Variants in TFEC observed in about 807,000 individuals in gnomAD.
The protein encoded by TFEC is transcription factor EC, also known as class E basic helix-loop-helix protein 34.
A neutral mutation model predicts 41.6 loss-of-function variants in TFEC; 31 were observed. That is an observed-to-expected ratio of 0.74 (90% CI 0.56 to 1.01). TFEC has a LOEUF of 1.01. Among genes scored for constraint, TFEC ranks in the 50% least tolerant of loss-of-function variants. The pLI, the probability that TFEC is intolerant of heterozygous loss-of-function variation, is 0.00. For synonymous variants in TFEC, 143 were observed against 140.6 expected, an observed-to-expected ratio of 1.02 and a Z score of -0.12; for missense variants, 402 against 404.1, an observed-to-expected ratio of 0.99 and a Z score of 0.04.
chr7:115,956,441 G>A (rs1408592969), intron 4 of TFEC, among the ~76,000 whole-genome samples: 1 of 150,312 alleles, frequency 6.7e-6, no homozygotes, highest in East Asian at 1.9e-4. Context: ...ATATATGTAT[G>A]TAAAACATAT....
At chr7:116,092,208 C>T (rs1238054644) in intron 3 of TFEC, among the ~76,000 whole-genome samples, 1 of 152,148 alleles carries the variant, frequency 6.6e-6, no homozygotes, top group Non-Finnish European at 1.5e-5. Flanking sequence ...AACTCGAAAG[C>T]ACTTTCACAT....
intron 7 of TFEC, chr7:115,941,679 A>C (rs543256351): frequency 1.7e-6 from 1 of 588,272 alleles, no homozygotes. Flanking sequence ...ACATATATAC[A>C]TATATACATA....
chr7:116,156,214 G>C (rs979843676), intron 1 of TFEC, among the ~76,000 whole-genome samples: 5 of 152,138 alleles, frequency 3.3e-5, no homozygotes, highest in African/African-American at 9.7e-5. Flanking sequence ...CAGCAGGAGG[G>C]AGAGAGGGAT....
At chr7:116,099,066 A>C in intron 3 of TFEC, among the ~76,000 whole-genome samples, 1 of 152,216 alleles carries the variant, frequency 6.6e-6, no homozygotes, top group East Asian at 1.9e-4. Flanking sequence ...ATATTCATTA[A>C]ATTGGACTTT....
intron 3 of TFEC, among the ~76,000 whole-genome samples, chr7:116,053,476 T>C (rs1355933365): frequency 6.6e-6 from 1 of 152,238 alleles, no homozygotes; most frequent in East Asian, 1.9e-4. Flanking sequence ...GGTTTGAATG[T>C]CTTTTCCAAA....
upstream of TFEC, among the ~76,000 whole-genome samples, chr7:116,031,624 C>G (rs138125155): frequency 4.9e-4 from 74 of 152,200 alleles, 1 homozygote; most frequent in East Asian, 0.014. Context: ...ATGCAAGCTA[C>G]TGAAGTTTAA....
At chr7:116,022,318 G>T (rs1382220403) in intron 1 of TFEC, among the ~76,000 whole-genome samples, 1 of 152,138 alleles carries the variant, frequency 6.6e-6, no homozygotes. Flanking sequence ...GAGGGTGAGG[G>T]CAATGTAATT....
At chr7:116,133,446 G>A (rs1271049669) in intron 1 of TFEC, among the ~76,000 whole-genome samples, 1 of 151,654 alleles carries the variant, frequency 6.6e-6, no homozygotes, top group Non-Finnish European at 1.5e-5. Context: ...GCTACACAGG[G>A]GACTGAGGAA....
At chr7:116,018,961 A>C (rs1039656614) in intron 1 of TFEC, among the ~76,000 whole-genome samples, 1 of 152,200 alleles carries the variant, frequency 6.6e-6, no homozygotes, top group Non-Finnish European at 1.5e-5. Context: ...AAAGCAGAAC[A>C]ACAGGGCCAG....
At chr7:115,951,943 A>T (rs1023932348) in intron 5 of TFEC, among the ~76,000 whole-genome samples, 1 of 152,116 alleles carries the variant, frequency 6.6e-6, no homozygotes, top group African/African-American at 2.4e-5. Flanking sequence ...TATACATGGT[A>T]TCTTTTTCAA....
At chr7:116,015,962 G>A (rs1795173121) in intron 1 of TFEC, among the ~76,000 whole-genome samples, 1 of 152,142 alleles carries the variant, frequency 6.6e-6, no homozygotes, top group Admixed American at 6.5e-5. Flanking sequence ...CAGGGTTTTA[G>A]ATAAAGTCAC....
intron 1 of TFEC, among the ~76,000 whole-genome samples, chr7:116,149,916 T>C (rs1798725434): frequency 6.6e-6 from 1 of 152,122 alleles, no homozygotes. Context: ...CTTCATGTAG[T>C]TTGTCTTGAC....
chr7:116,054,689 G>T (rs1168653664), intron 3 of TFEC, among the ~76,000 whole-genome samples: 2 of 151,996 alleles, frequency 1.3e-5, no homozygotes, highest in Non-Finnish European at 2.9e-5. Flanking sequence ...TCTCAAATAT[G>T]GCATGGAACA....
At chr7:115,990,695 GA>G (rs1198232307) in intron 1 of TFEC, among the ~76,000 whole-genome samples, 1 of 152,180 alleles carries the variant, frequency 6.6e-6, no homozygotes, top group Non-Finnish European at 1.5e-5. Flanking sequence ...AGAGTAAAAA[GA>G]AATGAACAAA....
intron 1 of TFEC, among the ~76,000 whole-genome samples, chr7:116,142,025 C>T (rs532616885): frequency 2.6e-5 from 4 of 152,214 alleles, no homozygotes; most frequent in East Asian, 1.9e-4. Flanking sequence ...AGTGATATCA[C>T]GAGATACTGG....
chr7:116,041,637 T>C (rs1344975443), intron 3 of TFEC, among the ~76,000 whole-genome samples: 1 of 152,178 alleles, frequency 6.6e-6, no homozygotes, highest in Admixed American at 6.5e-5. Flanking sequence ...CAGAAGTAAT[T>C]CTCTTCTCCT....
At chr7:116,016,677 G>A (rs1258920853) in intron 1 of TFEC, among the ~76,000 whole-genome samples, 4 of 151,522 alleles carry the variant, frequency 2.6e-5, no homozygotes, top group East Asian at 1.9e-4. Context: ...GCCCAGCTAC[G>A]TAGTATATAT....
intron 6 of TFEC, among the ~76,000 whole-genome samples, chr7:115,948,124 T>G (rs1233133078): frequency 6.6e-6 from 1 of 151,938 alleles, no homozygotes; most frequent in South Asian, 2.1e-4. Context: ...CCTCGACATA[T>G]ACACTCTCCC....
intron 4 of TFEC, among the ~76,000 whole-genome samples, 177 bp downstream of exon 4, chr7:115,956,502 A>G (rs1014907540): frequency 2.0e-5 from 3 of 151,940 alleles, no homozygotes; most frequent in African/African-American, 7.2e-5. Flanking sequence ...GTCAAACTAT[A>G]AGTTATTTTA....
Sources: allele counts gnomAD v4.1 joint callset (sites outside exome capture counted in the v4.1 genomes callset), GRCh38; gene constraint gnomAD v4.1.1; transcripts MANE v1.5; gene names NCBI Gene and HGNC (gene_info 2026-07-23, HGNC 2026-07-21).